The following SUSD6 variants were observed in gnomAD, a reference collection of about 807,000 sequenced individuals.
SUSD6 encodes the protein sushi domain-containing protein 6.
Under a neutral mutation model 28.4 loss-of-function variants are expected in SUSD6, and 16 were observed. The ratio of observed to expected loss-of-function variants is 0.56; its 90% CI spans 0.38 to 0.86. The LOEUF is 0.86. Ranked by LOEUF, SUSD6 falls within the 40% of genes least tolerant of loss-of-function variation. The pLI is 0.00. For missense variants in SUSD6, 341 were observed against 384.2 expected (o/e 0.89, Z 0.94); for synonymous variants, 147 against 159.6 (o/e 0.92, Z 0.59).
chr14:69,632,196 G>C (rs1885204688), intron 1 of SUSD6, among the ~76,000 whole-genome samples: 1 of 152,186 alleles, frequency 6.6e-6, no homozygotes, highest in African/African-American at 2.4e-5. Context: ...CCCTTCCAGA[G>C]AGCACCACTG....
At chr14:69,645,789 A>C (rs1885417263) in intron 1 of SUSD6, among the ~76,000 whole-genome samples, 1 of 149,156 alleles carries the variant, frequency 6.7e-6, no homozygotes, top group Admixed American at 6.7e-5. Context: ...TCGCTCTGTC[A>C]CCCAGGCTGG....
intron 1 of SUSD6, among the ~76,000 whole-genome samples, chr14:69,640,944 C>G (rs1274606582): frequency 6.6e-6 from 1 of 152,156 alleles, no homozygotes; most frequent in African/African-American, 2.4e-5. Context: ...GGGTTTTTAT[C>G]CTTTTTCAGT....
chr14:69,634,272 G>A (rs1885233339), intron 1 of SUSD6, among the ~76,000 whole-genome samples: 1 of 152,232 alleles, frequency 6.6e-6, no homozygotes, highest in Admixed American at 6.5e-5. Context: ...GCAATGGTAA[G>A]CAGACCTGTC....
intron 2 of SUSD6, among the ~76,000 whole-genome samples, chr14:69,668,861 C>A (rs77428911): frequency 0.01 from 1,544 of 151,788 alleles, 26 homozygotes; most frequent in African/African-American, 0.035. Flanking sequence ...CCTCCACTTT[C>A]TCCCTTTCGT....
intron 1 of SUSD6, among the ~76,000 whole-genome samples, chr14:69,652,916 C>T (rs917000152): frequency 6.6e-6 from 1 of 152,192 alleles, no homozygotes; most frequent in Non-Finnish European, 1.5e-5. Context: ...GCTGTCTTGG[C>T]TTCTGGCTAA....
chr14:69,702,098 A>T (rs1156421005), intron 2 of SUSD6, among the ~76,000 whole-genome samples: 1 of 152,066 alleles, frequency 6.6e-6, no homozygotes, highest in Non-Finnish European at 1.5e-5. Flanking sequence ...CTGTGGTGTG[A>T]CTCTCAGTCA....
chr14:69,616,946 C>T (rs1399088122), intron 1 of SUSD6, among the ~76,000 whole-genome samples: 1 of 152,150 alleles, frequency 6.6e-6, no homozygotes, highest in East Asian at 1.9e-4. Flanking sequence ...CCCTATTTCT[C>T]TACAATCCCA....
At position 69,703,537 on chromosome 14, in the gene SUSD6, G is replaced by A. The variant is rs368195029; in HGVS notation, c.264G>A (p.Thr88=). 139 of 1,614,104 alleles carry A rather than the reference G, an allele frequency of 8.6e-5. 1 individual carries two copies. The highest frequency in any genetic ancestry group is 2.5e-4 in the African/African-American group (19 of 74,946). Residue 88 remains threonine (T), a synonymous_variant, in exon 3 of 6, where the codon ACG becomes ACA. Coordinates refer to ENST00000342745, the MANE Select transcript of SUSD6 (RefSeq NM_014734.4). The part of the protein sequence containing the change: ...YMLKGDYKYL[T]CKNGEWKPAM... The stretch of plus-strand genomic sequence containing the variant: ...TGAAGGGCGATTACAAATACCTGAC[G>A]TGTAAGAATGGCGAGTGGAAACCAG...
At chr14:69,657,567 A>G (rs1330547349) in intron 1 of SUSD6, among the ~76,000 whole-genome samples, 1 of 152,192 alleles carries the variant, frequency 6.6e-6, no homozygotes, top group Non-Finnish European at 1.5e-5. Context: ...AGCCTTATTA[A>G]TGGAGAAGGG....
rs60594281 is a variant in SUSD6, at chr14:69,706,106, CTTTCT to C, written c.458+1368_458+1372del. On this transcript the variant is annotated intron_variant, in intron 4 of 5. Coordinates refer to ENST00000342745, the MANE Select transcript of SUSD6 (RefSeq NM_014734.4). ...ATCTCTGTGTACTATGTGTGATTTT[CTTTCT>C]TTTATTTTGTTTTTGGGAAGAGGCT... 5.5e-3 allele frequency among the ~76,000 whole-genome samples: 831 copies of C among 152,204 alleles called. 9 individuals carry two copies. Among genetic ancestry groups the C allele is most frequent in the African/African-American group, 0.019 (781 of 41,516 alleles).
At chr14:69,670,407 C>T in intron 2 of SUSD6, 1 of 455,602 alleles carries the variant, frequency 2.2e-6, no homozygotes, top group East Asian at 7.0e-5. Context: ...CAGGAAAGTA[C>T]TGCACTACAC....
At chr14:69,686,587 A>G (rs1021754813) in intron 2 of SUSD6, among the ~76,000 whole-genome samples, 1 of 152,262 alleles carries the variant, frequency 6.6e-6, no homozygotes, top group African/African-American at 2.4e-5. Context: ...TTACATTTCC[A>G]GGTGGCCAAG....
intron 2 of SUSD6, among the ~76,000 whole-genome samples, chr14:69,693,154 G>A (rs150717266): frequency 6.6e-6 from 1 of 152,312 alleles, no homozygotes; most frequent in Admixed American, 6.5e-5. Flanking sequence ...TGCTCTATAG[G>A]TCACTGTACT....
chr14:69,684,219 CA>C (rs1886038912), intron 2 of SUSD6, among the ~76,000 whole-genome samples: 1 of 152,218 alleles, frequency 6.6e-6, no homozygotes, highest in South Asian at 2.1e-4. Flanking sequence ...CCAGTCATTT[CA>C]TGCCTAATCA....
At chr14:69,698,082 CTT>C (rs1886252773) in intron 2 of SUSD6, among the ~76,000 whole-genome samples, 1 of 152,256 alleles carries the variant, frequency 6.6e-6, no homozygotes, top group Non-Finnish European at 1.5e-5. Context: ...AATCCCAACA[CTT>C]TGGGAGGCCG....
intron 1 of SUSD6, among the ~76,000 whole-genome samples, chr14:69,636,804 T>C (rs142391813): frequency 0.015 from 2,327 of 152,298 alleles, 33 homozygotes; most frequent in Non-Finnish European, 0.025. Flanking sequence ...TGGGCCTGGC[T>C]CTGTGTCCAG....
chr14:69,622,267 C>T (rs1242228551), intron 1 of SUSD6, among the ~76,000 whole-genome samples: 5 of 152,120 alleles, frequency 3.3e-5, no homozygotes, highest in Admixed American at 6.5e-5. Flanking sequence ...CGGGCTTATG[C>T]GATCCTCCCA....
At chr14:69,613,736 T>C (rs1412151610) in intron 1 of SUSD6, among the ~76,000 whole-genome samples, 1 of 152,168 alleles carries the variant, frequency 6.6e-6, no homozygotes, top group East Asian at 1.9e-4. Flanking sequence ...TTGGTATGAG[T>C]CCTGATAGAT....
chr14:69,633,653 A>G (rs1279979743), intron 1 of SUSD6, among the ~76,000 whole-genome samples: 1 of 152,110 alleles, frequency 6.6e-6, no homozygotes, highest in Non-Finnish European at 1.5e-5. Context: ...TATTCTAATC[A>G]TTCATATCTC....
Sources: allele counts gnomAD v4.1 joint callset (sites outside exome capture counted in the v4.1 genomes callset), GRCh38; gene constraint gnomAD v4.1.1; transcripts MANE v1.5; gene names NCBI Gene and HGNC (gene_info 2026-07-23, HGNC 2026-07-21).